The following TRAPPC10 variants were observed in gnomAD, a reference collection of about 807,000 sequenced individuals.
The protein encoded by TRAPPC10 is trafficking protein particle complex subunit 10, also known as TRAPP 130 kDa subunit.
TRAPPC10 carries 23 observed loss-of-function variants against 125.5 expected under a neutral mutation model. The observed-to-expected ratio is 0.18, with a 90% CI of 0.13 to 0.26. TRAPPC10 has a LOEUF of 0.26. TRAPPC10 is among the 10% of genes least tolerant of loss of function. TRAPPC10 has a pLI of 1.00. For synonymous variants in TRAPPC10, 509 were observed against 518.0 expected (o/e 0.98, Z 0.24); for missense variants, 1,123 against 1,308.4 (o/e 0.86, Z 2.19).
chr21:44,077,766 A>T lies in TRAPPC10; in HGVS notation c.1451A>T (p.Asp484Val). The T allele has an allele frequency of 6.2e-7, 1 of 1,611,428 alleles. No individual in the cohort carries two copies. The highest frequency in any genetic ancestry group is 8.5e-7 in the Non-Finnish European group (1 of 1,178,070). Residue 484 changes from aspartate to valine, a missense_variant, in exon 11 of 23, where the codon GAT becomes GTT. Physicochemically the swap from Asp to Val is radical, Grantham distance 152. Coordinates refer to ENST00000291574, the MANE Select transcript of TRAPPC10 (RefSeq NM_003274.5). Reference sequence around the variant, plus strand: ...CGATCTGCTAAGTTTGTTGGAAAAGATCTGGCAGAGTTTTACATGTAATTG... The same window carrying T: ...CGATCTGCTAAGTTTGTTGGAAAAGTTCTGGCAGAGTTTTACATGTAATTG... ...RIRSAKFVGK[D>V]LAEFYMRKKA...
At chr21:44,090,439 C>A (rs1601828385) in intron 18 of TRAPPC10, among the ~76,000 whole-genome samples, 1 of 152,312 alleles carries the variant, frequency 6.6e-6, no homozygotes, top group East Asian at 1.9e-4. Context: ...GGGTGTTGAG[C>A]AGCACCCCAG....
chr21:44,059,581 C>A lies in TRAPPC10; in HGVS notation c.790+367C>A. ...CCATCCAGGGGTTATCTTTGGAATGCTCGAGTGCTCATTGCTGTGAACTTA... is the reference window on the plus strand; with the variant it reads ...CCATCCAGGGGTTATCTTTGGAATGATCGAGTGCTCATTGCTGTGAACTTA... On this transcript the variant is annotated intron_variant, in intron 6 of 22. Transcript: ENST00000291574. The surrounding 1 kb of genome is among the most constrained non-coding windows in gnomAD (Gnocchi z 4.4). 1 of 692,596 alleles carries A rather than the reference C, an allele frequency of 1.4e-6. No homozygotes were observed. 42.9% of individuals were successfully genotyped at this position (692,596 alleles called of 1,614,324 possible). A position where few individuals can be genotyped will look rare whatever the true frequency, so the allele number is the denominator to read the frequency against.
At chr21:44,021,489 A>G (rs1196545996) in intron 1 of TRAPPC10, among the ~76,000 whole-genome samples, 1 of 152,224 alleles carries the variant, frequency 6.6e-6, no homozygotes, top group Non-Finnish European at 1.5e-5. Flanking sequence ...AGTAGACAGA[A>G]TATTATAAAG....
rs2035894421 is a variant in TRAPPC10 at position 44,059,774 on chromosome 21, T to C, written c.790+560T>C. On this transcript the variant is annotated intron_variant, in intron 6 of 22. Transcript: ENST00000291574. This position sits in a 1 kb window ranked among gnomAD's most constrained non-coding sequence, Gnocchi z 4.4. ...TTTTGATGAAAGTGATACCACGTTATATAGCTGTTTCTCTGTCGCTCCTTT... is the reference window on the plus strand; with the variant it reads ...TTTTGATGAAAGTGATACCACGTTACATAGCTGTTTCTCTGTCGCTCCTTT... The C allele has an allele frequency of 2.4e-6, 1 of 415,614 alleles. No homozygotes were observed. Among genetic ancestry groups the C allele is most frequent in the Non-Finnish European group, 4.3e-6 (1 of 234,904 alleles). The allele number at this position is 415,614 out of a possible 1,614,324, so 25.7% of individuals were successfully genotyped here. A position where few individuals can be genotyped will look rare whatever the true frequency, so the allele number is the denominator to read the frequency against.
chr21:44,034,112 G>T (rs1278030591), intron 2 of TRAPPC10, among the ~76,000 whole-genome samples: 1 of 152,172 alleles, frequency 6.6e-6, no homozygotes, highest in Non-Finnish European at 1.5e-5. Flanking sequence ...ACAGGTGGAG[G>T]AATTGGGAGA....
At chr21:44,079,016 T>C (rs1187215147) in intron 11 of TRAPPC10, among the ~76,000 whole-genome samples, 1 of 152,236 alleles carries the variant, frequency 6.6e-6, no homozygotes, top group Non-Finnish European at 1.5e-5. Context: ...TCCGGCGTTC[T>C]CTGGAAGCTG....
At chr21:44,037,147 G>A (rs2034042437) in intron 2 of TRAPPC10, among the ~76,000 whole-genome samples, 2 of 152,266 alleles carry the variant, frequency 1.3e-5, no homozygotes, top group South Asian at 2.1e-4. Flanking sequence ...AGAAGTAAAG[G>A]CACGGCACAG....
chr21:44,052,573 C>T (rs1045803125), intron 4 of TRAPPC10, 97 bp downstream of exon 4: 97 of 1,172,736 alleles, frequency 8.3e-5, no homozygotes, highest in Non-Finnish European at 1.1e-4. Context: ...TCAGCAATCT[C>T]GAGTGAGTGT....
rs34848979 is a variant in TRAPPC10 at position 44,060,915 on chromosome 21, T to TACACACACACAC, written c.790+1722_790+1733dup. On this transcript the variant is annotated intron_variant, in intron 6 of 22. Transcript: ENST00000291574. ...CATGCCCAGCCTATACATACATACATACACACACACACACACACACACACA... is the reference window on the plus strand; with the variant it reads ...CATGCCCAGCCTATACATACATACATACACACACACACACACACACACACACACACACACACA... 2.4e-3 allele frequency among the ~76,000 whole-genome samples: 314 copies of TACACACACACAC among 132,252 alleles called. 3 individuals carry two copies. The highest frequency in any genetic ancestry group is 8.9e-3 in the African/African-American group (294 of 33,118). 86.8% of individuals were successfully genotyped at this position (132,252 alleles called of 152,430 possible). A position where few individuals can be genotyped will look rare whatever the true frequency, so the allele number is the denominator to read the frequency against.
chr21:44,028,760 A>G (rs558808129), intron 1 of TRAPPC10, among the ~76,000 whole-genome samples: 1 of 152,356 alleles, frequency 6.6e-6, no homozygotes, highest in African/African-American at 2.4e-5. Flanking sequence ...GAGGCAGAAC[A>G]GTGAACTGGG....
intron 7 of TRAPPC10, among the ~76,000 whole-genome samples, chr21:44,071,682 G>A (rs1236739996): frequency 6.6e-6 from 1 of 152,200 alleles, no homozygotes; most frequent in Non-Finnish European, 1.5e-5. Context: ...TCACATGCAT[G>A]TCTTTTTTTC....
intron 19 of TRAPPC10, 44 bp from the exon 20 acceptor site, chr21:44,094,019 G>A (rs374090987): frequency 2.5e-5 from 40 of 1,583,438 alleles, no homozygotes; most frequent in Middle Eastern, 2.1e-4. Context: ...TCCTCTTTGC[G>A]GTTATGGTGC....
At chr21:44,012,640 A>C (rs1376946569) in intron 1 of TRAPPC10, 80 bp downstream of exon 1, 1 of 1,296,520 alleles carries the variant, frequency 7.7e-7, no homozygotes, top group African/African-American at 1.5e-5. Context: ...GCGCCCCCAG[A>C]CCTTCAGCCC....
chr21:44,024,881 C>T (rs2032900478), intron 1 of TRAPPC10, among the ~76,000 whole-genome samples: 1 of 152,190 alleles, frequency 6.6e-6, no homozygotes, highest in Admixed American at 6.6e-5. Context: ...GTTTTCCTTC[C>T]ACGTGAAAAA....
chr21:44,081,010 T>A (rs2037680522), intron 13 of TRAPPC10, among the ~76,000 whole-genome samples: 1 of 138,926 alleles, frequency 7.2e-6, no homozygotes, highest in Non-Finnish European at 1.5e-5. Context: ...TTGTTCTTTT[T>A]TTTTTTCTTT....
chr21:44,058,792 TGA>T (rs2035808931), intron 5 of TRAPPC10, among the ~76,000 whole-genome samples: 1 of 151,944 alleles, frequency 6.6e-6, no homozygotes, highest in Admixed American at 6.6e-5. Context: ...GGAGCCACAG[TGA>T]GGGGCGAGGG....
At position 44,046,717 on chromosome 21, in the gene TRAPPC10, A is replaced by T. The variant is rs753232623; in HGVS notation, c.286-5563A>T. 1.6e-4 allele frequency: 55 copies of T among 351,876 alleles called. 1 individual carries two copies. Among genetic ancestry groups the T allele is most frequent in the Non-Finnish European group, 2.8e-4 (53 of 188,992 alleles). The allele number at this position is 351,876 out of a possible 1,614,324, so 21.8% of individuals were successfully genotyped here. ...GAGACGGGGTTTCTCCATGTTGGTC[A>T]GGCTGGTCTTGAACTTCCAACCTCA... On this transcript the variant is annotated intron_variant, in intron 3 of 22. Coordinates refer to ENST00000291574, the MANE Select transcript of TRAPPC10 (RefSeq NM_003274.5).
Position 44,080,066 on chromosome 21 carries a change from G to A in TRAPPC10, c.1662G>A (p.Glu554=), listed in dbSNP as rs2037579873. The A allele has an allele frequency of 6.2e-7, 1 of 1,614,186 alleles. No homozygotes were observed. Among genetic ancestry groups the A allele is most frequent in the East Asian group, 2.2e-5 (1 of 44,884 alleles). Residue 554 remains glutamate (E), a synonymous_variant, in exon 13 of 23, where the codon GAG becomes GAA. Coordinates refer to ENST00000291574, the MANE Select transcript of TRAPPC10 (RefSeq NM_003274.5). The stretch of plus-strand genomic sequence containing the variant: ...CCAGTGACCACCACCTCACTGAAGA[G>A]GAGCGCAAGCACTTCTGCCAGGAGA... ...LLASDHHLTE[E]ERKHFCQEIL...
intron 18 of TRAPPC10, 122 bp downstream of exon 18, chr21:44,090,055 C>G: frequency 1.5e-6 from 1 of 663,376 alleles, no homozygotes; most frequent in Non-Finnish European, 2.6e-6. Context: ...GACCACAAGG[C>G]CATTGTTTGT....
Sources: gnomAD v4.1 joint callset for allele counts (sites outside exome capture counted in the v4.1 genomes callset) on GRCh38, gnomAD v4.1.1 for gene constraint, Gnocchi (gnomAD v3.1) non-coding constraint, MANE v1.5 for transcripts, NCBI Gene and HGNC (gene_info 2026-07-23, HGNC 2026-07-21) for gene names.